REPS1: variants seen among roughly 807,000 people sequenced by gnomAD.
REPS1 encodes RALBP1 associated Eps domain containing 1, also known as ralBP1-associated Eps domain-containing protein 1.
Under a neutral mutation model 100.9 loss-of-function variants are expected in REPS1, and 39 were observed. The ratio of observed to expected loss-of-function variants is 0.39; its 90% CI spans 0.30 to 0.50. The LOEUF (loss-of-function observed/expected upper bound fraction) is 0.50, where lower values mean the gene tolerates loss of function less well. REPS1 is among the 20% of genes least tolerant of loss of function. The probability of loss-of-function intolerance (pLI) is 0.86; values close to 1 mark genes in which losing one functional copy is unlikely to be tolerated. For synonymous variants in REPS1, 324 were observed against 340.3 expected, an observed-to-expected ratio of 0.95 and a Z score of 0.53; for missense variants, 821 against 968.5, an observed-to-expected ratio of 0.85 and a Z score of 2.02.
intron 1 of REPS1, among the ~76,000 whole-genome samples, chr6:138,965,572 C>T (rs895319319): frequency 2.1e-4 from 32 of 152,106 alleles, no homozygotes; most frequent in African/African-American, 6.0e-4. Context: ...AAATTTACAT[C>T]CAAACTGAGA....
intron 15 of REPS1, 118 bp from the exon 16 acceptor site, chr6:138,913,068 A>G: frequency 2.7e-6 from 2 of 729,816 alleles, no homozygotes; most frequent in Non-Finnish European, 4.3e-6. Flanking sequence ...ATTATCTGTA[A>G]GTTCAGAGAG....
In REPS1 at chr6:138,944,493, C is replaced by T; in HGVS notation, c.753+5G>A. On this transcript the variant is annotated splice_donor_5th_base_variant and intron_variant, in intron 5 of 19. Coordinates refer to ENST00000450536, the MANE Select transcript of REPS1 (RefSeq NM_001286611.2). Reference sequence around the variant, plus strand: ...TAAAAATGCAATACCAATAAAATGTCACACCTGGACAGAAGCAGGATGCAT... The same window carrying T: ...TAAAAATGCAATACCAATAAAATGTTACACCTGGACAGAAGCAGGATGCAT... 6.2e-7 allele frequency: 1 copy of T among 1,611,812 alleles called. No individual in the cohort carries two copies. Among genetic ancestry groups the T allele is most frequent in the Non-Finnish European group, 8.5e-7 (1 of 1,179,204 alleles).
At chr6:138,956,838 A>T (rs948026726) in intron 1 of REPS1, among the ~76,000 whole-genome samples, 3 of 152,004 alleles carry the variant, frequency 2.0e-5, no homozygotes, top group African/African-American at 7.2e-5. Flanking sequence ...AGAGGGAAAG[A>T]ATCTTAAAAA....
At chr6:138,907,208 C>T (rs773197710) in intron 19 of REPS1, among the ~76,000 whole-genome samples, 3 of 151,506 alleles carry the variant, frequency 2.0e-5, no homozygotes, top group Non-Finnish European at 4.4e-5. Flanking sequence ...CAGTGGCTCA[C>T]GCCTGTAATC....
intron 1 of REPS1, among the ~76,000 whole-genome samples, chr6:138,961,382 G>A (rs539927241): frequency 7.2e-5 from 11 of 152,100 alleles, no homozygotes; most frequent in African/African-American, 2.7e-4. Flanking sequence ...GATTACAGAC[G>A]CCCGCCACCA....
intron 8 of REPS1, among the ~76,000 whole-genome samples, chr6:138,937,045 A>C (rs1781893797): frequency 6.6e-6 from 1 of 152,220 alleles, no homozygotes; most frequent in Non-Finnish European, 1.5e-5. Context: ...TCATGGTGGA[A>C]GGCAAGGAGG....
In REPS1 at chr6:138,904,326, C is replaced by A. The variant is rs1313297626; in HGVS notation, c.*738G>T. 1 of 152,126 alleles carries A rather than the reference C, an allele frequency of 6.6e-6. No individual in the cohort carries two copies. Among genetic ancestry groups the A allele is most frequent in the Non-Finnish European group, 1.5e-5 (1 of 68,024 alleles). 9.4% of individuals were successfully genotyped at this position (152,126 alleles called of 1,614,324 possible). A position where few individuals can be genotyped will look rare whatever the true frequency, so the allele number is the denominator to read the frequency against. Reference sequence around the variant, plus strand: ...GAATTTCCCTTTATTCTGGGAATAACTGATATCCTCAGAAGTTTTAAAACA... The same window carrying A: ...GAATTTCCCTTTATTCTGGGAATAAATGATATCCTCAGAAGTTTTAAAACA... On this transcript the variant is annotated 3_prime_UTR_variant, in exon 20 of 20. Coordinates refer to ENST00000450536, the MANE Select transcript of REPS1 (RefSeq NM_001286611.2).
At chr6:138,958,210 G>C (rs1342034345) in intron 1 of REPS1, among the ~76,000 whole-genome samples, 1 of 152,184 alleles carries the variant, frequency 6.6e-6, no homozygotes, top group Non-Finnish European at 1.5e-5. Flanking sequence ...AAGAGATATG[G>C]AAGTAATCAC....
rs1186306097 is a variant in REPS1, at chr6:138,971,319, CAT to C, written c.153+16209_153+16210del. On this transcript the variant is annotated intron_variant, in intron 1 of 19. Transcript: ENST00000450536. ...TACAATCTGTAATTCTGACGTGGCA[CAT>C]GTCTCAGTGGACTGTGCTAGGGAAT... 4.6e-5 allele frequency among the ~76,000 whole-genome samples: 7 copies of C among 152,274 alleles called. No individual in the cohort carries two copies. In the East Asian group the frequency reaches 1.2e-3, roughly 25 times the overall value.
At chr6:138,983,046 T>G (rs1037343822) in intron 1 of REPS1, among the ~76,000 whole-genome samples, 1 of 152,196 alleles carries the variant, frequency 6.6e-6, no homozygotes, top group Non-Finnish European at 1.5e-5. Flanking sequence ...TCAGACCAAC[T>G]GAATTTTATT....
intron 1 of REPS1, among the ~76,000 whole-genome samples, chr6:138,983,575 C>T (rs1212677510): frequency 2.0e-5 from 3 of 152,146 alleles, no homozygotes; most frequent in Admixed American, 1.3e-4. Flanking sequence ...ATAATAGGCA[C>T]TCGATAAATG....
chr6:138,985,604 C>T (rs73564742), intron 1 of REPS1, among the ~76,000 whole-genome samples: 13,371 of 152,216 alleles, frequency 0.088, 1,233 homozygotes, highest in African/African-American at 0.23. Context: ...GATATCTAGA[C>T]TGCTATTTAG....
intron 19 of REPS1, among the ~76,000 whole-genome samples, chr6:138,906,675 G>A (rs1386740198): frequency 6.6e-6 from 1 of 152,166 alleles, no homozygotes; most frequent in African/African-American, 2.4e-5. Flanking sequence ...CATTTCCATG[G>A]ACTCTCATCT....
chr6:138,935,621 C>G (rs780437782), intron 8 of REPS1, among the ~76,000 whole-genome samples: 13 of 151,852 alleles, frequency 8.6e-5, no homozygotes, highest in Middle Eastern at 3.4e-3. Context: ...AATGGAAGAC[C>G]GAGGCAGGCG....
chr6:138,909,856 G>A (rs1277029986), intron 17 of REPS1, among the ~76,000 whole-genome samples: 1 of 152,044 alleles, frequency 6.6e-6, no homozygotes, highest in African/African-American at 2.4e-5. Flanking sequence ...TGTGAAAACA[G>A]ACTAATACAC....
chr6:138,947,471 T>C (rs1398881689), intron 2 of REPS1, among the ~76,000 whole-genome samples: 1 of 152,230 alleles, frequency 6.6e-6, no homozygotes, highest in African/African-American at 2.4e-5. Context: ...CTGTAATTTA[T>C]CATTTACCTT....
At chr6:138,955,513 C>T (rs1005346844) in intron 1 of REPS1, among the ~76,000 whole-genome samples, 22 of 130,650 alleles carry the variant, frequency 1.7e-4, no homozygotes. Flanking sequence ...GTACTAAAAA[C>T]TATGAGTGAC....
intron 15 of REPS1, 72 bp downstream of exon 15, chr6:138,914,625 G>A: frequency 8.3e-7 from 1 of 1,208,304 alleles, no homozygotes. Context: ...CAAATAATTT[G>A]AGAATAGAAT....
rs770465279 is a variant in REPS1, at chr6:138,965,340, GACA to G, written c.154-17430_154-17428del. On this transcript the variant is annotated intron_variant, in intron 1 of 19. Transcript: ENST00000450536. ...TATTTGTATTATCTACATTAACAATGACAACAACAACAACGACAAAAAGGCTTT... is the reference window on the plus strand; with the variant it reads ...TATTTGTATTATCTACATTAACAATGACAACAACAACGACAAAAAGGCTTT... Among the ~76,000 whole-genome samples, 123 of 151,012 alleles carry G rather than the reference GACA, an allele frequency of 8.1e-4. 1 individual carries two copies. Among genetic ancestry groups the G allele is most frequent in the Non-Finnish European group, 1.3e-3 (87 of 67,720 alleles).
Sources: allele counts gnomAD v4.1 joint callset (sites outside exome capture counted in the v4.1 genomes callset), GRCh38; gene constraint gnomAD v4.1.1; transcripts MANE v1.5; gene names NCBI Gene and HGNC (gene_info 2026-07-23, HGNC 2026-07-21).